Variants in YWHAE observed in about 807,000 individuals in gnomAD.
YWHAE encodes the protein tyrosine 3-monooxygenase/tryptophan 5-monooxygenase activation protein epsilon.
A neutral mutation model predicts 30.1 loss-of-function variants in YWHAE; 4 were observed. The ratio of observed to expected loss-of-function variants is 0.13; its 90% CI spans 0.07 to 0.30. The LOEUF (loss-of-function observed/expected upper bound fraction) is 0.30, where lower values mean the gene tolerates loss of function less well. YWHAE is among the 10% of genes least tolerant of loss of function. The pLI is 1.00. For missense variants in YWHAE, 121 were observed against 315.9 expected, an observed-to-expected ratio of 0.38 and a Z score of 4.68; for synonymous variants, 118 against 111.8, an observed-to-expected ratio of 1.06 and a Z score of -0.35.
At chr17:1,374,999 A>G (rs1041779351) in intron 1 of YWHAE, among the ~76,000 whole-genome samples, 2 of 152,136 alleles carry the variant, frequency 1.3e-5, no homozygotes, top group Non-Finnish European at 2.9e-5. Context: ...ACAGCGCACT[A>G]TGTAGCCTTA....
chr17:1,365,109 C>G (rs1380667118), intron 1 of YWHAE, 51 bp from the exon 2 acceptor site: 1 of 1,559,472 alleles, frequency 6.4e-7, no homozygotes, highest in African/African-American at 1.4e-5. Context: ...GTTTTCTTAA[C>G]ATATTCCTTT....
intron 1 of YWHAE, among the ~76,000 whole-genome samples, chr17:1,381,733 T>C (rs933397494): frequency 6.6e-6 from 1 of 151,502 alleles, no homozygotes; most frequent in African/African-American, 2.4e-5. Flanking sequence ...CTAGGAGACA[T>C]GGCGAAACCC....
At chr17:1,370,304 T>C (rs1297497366) in intron 1 of YWHAE, among the ~76,000 whole-genome samples, 2 of 151,386 alleles carry the variant, frequency 1.3e-5, no homozygotes, top group East Asian at 3.9e-4. Flanking sequence ...TTTTTTTGTG[T>C]GTATTTTTAG....
chr17:1,366,143 A>C (rs2072938114), intron 1 of YWHAE, among the ~76,000 whole-genome samples: 1 of 151,680 alleles, frequency 6.6e-6, no homozygotes, highest in Non-Finnish European at 1.5e-5. Context: ...TTGAACCCAG[A>C]AGGTGGAGAT....
At chr17:1,398,191 G>A (rs928499442) in intron 1 of YWHAE, among the ~76,000 whole-genome samples, 1 of 152,122 alleles carries the variant, frequency 6.6e-6, no homozygotes, top group Non-Finnish European at 1.5e-5. Context: ...TTCCTCCCAA[G>A]AACACTAACA....
intron 1 of YWHAE, among the ~76,000 whole-genome samples, chr17:1,366,319 C>G (rs1261387673): frequency 1.3e-5 from 2 of 152,126 alleles, no homozygotes; most frequent in African/African-American, 4.8e-5. Context: ...GTGGGCAGAT[C>G]ATTTGAGGTC....
At chr17:1,389,360 G>A (rs1488732842) in intron 1 of YWHAE, among the ~76,000 whole-genome samples, 1 of 151,948 alleles carries the variant, frequency 6.6e-6, no homozygotes, top group Non-Finnish European at 1.5e-5. Flanking sequence ...ACTAACCCAG[G>A]GATTAAGTAG....
Position 1,390,324 on chromosome 17 carries a change from C to A in YWHAE, c.64+9723G>T, listed in dbSNP as rs572828092. Among the ~76,000 whole-genome samples, 21 of 152,292 alleles carry A rather than the reference C, an allele frequency of 1.4e-4. No individual in the cohort carries two copies. In the South Asian group the frequency reaches 3.9e-3, roughly 29 times the overall value. The stretch of plus-strand genomic sequence containing the variant: ...CCTTTACTTTGGATATGCAAATTTA[C>A]AGATGTAAGATTAAGGATTTTGAGA... On this transcript the variant is annotated intron_variant, in intron 1 of 5. Transcript: ENST00000264335.
chr17:1,370,839 T>G (rs2073030836), intron 1 of YWHAE, among the ~76,000 whole-genome samples: 2 of 150,912 alleles, frequency 1.3e-5, no homozygotes, highest in South Asian at 2.1e-4. Flanking sequence ...CTACTAAAAG[T>G]GCAAAAAAAA....
At position 1,346,758 on chromosome 17, in the gene YWHAE, G is replaced by C. The variant is rs150954905; in HGVS notation, c.716-1259C>G. On this transcript the variant is annotated intron_variant, in intron 5 of 5. Transcript: ENST00000264335. ...TCCCAGCACTTTGGGAAGCAAAGGC[G>C]GGCGGATCACGAGGTCAGAAGATCA... Among the ~76,000 whole-genome samples, 480 of 151,212 alleles carry C rather than the reference G, an allele frequency of 3.2e-3. 1 individual carries two copies. The highest frequency in any genetic ancestry group is 0.011 in the African/African-American group (451 of 41,204).
chr17:1,367,030 T>C (rs530234115), intron 1 of YWHAE, among the ~76,000 whole-genome samples: 5 of 152,062 alleles, frequency 3.3e-5, no homozygotes, highest in Admixed American at 1.3e-4. Context: ...CAAAAATTAA[T>C]CCTTTCGGGA....
At chr17:1,383,616 G>A (rs931372889) in intron 1 of YWHAE, among the ~76,000 whole-genome samples, 4 of 151,512 alleles carry the variant, frequency 2.6e-5, no homozygotes, top group African/African-American at 9.7e-5. Context: ...TTGAACTCCT[G>A]ACCTCAGGTG....
intron 1 of YWHAE, among the ~76,000 whole-genome samples, chr17:1,394,605 CA>C (rs1214178892): frequency 1.3e-5 from 2 of 151,140 alleles, no homozygotes; most frequent in African/African-American, 2.4e-5. Flanking sequence ...GACCCTGTTT[CA>C]AAAAAAAATT....
chr17:1,349,995 C>T (rs974472669), intron 5 of YWHAE, among the ~76,000 whole-genome samples: 33 of 151,344 alleles, frequency 2.2e-4, no homozygotes, highest in African/African-American at 7.8e-4. Flanking sequence ...TCTTGTTGCC[C>T]AGGCTGGAGT....
At chr17:1,357,895 C>G (rs974061576) in intron 4 of YWHAE, among the ~76,000 whole-genome samples, 2 of 150,740 alleles carry the variant, frequency 1.3e-5, no homozygotes, top group Admixed American at 6.6e-5. Flanking sequence ...CCACTGCACT[C>G]CAGCCTGGGA....
chr17:1,394,436 C>CAAAAAAAAA (rs544115909), intron 1 of YWHAE, among the ~76,000 whole-genome samples: 40 of 58,538 alleles, frequency 6.8e-4, no homozygotes, highest in African/African-American at 2.6e-3. Flanking sequence ...CTCAAATCCA[C>CAAAAAAAAA]AAAAAAAAAA....
intron 4 of YWHAE, among the ~76,000 whole-genome samples, chr17:1,355,863 A>G (rs1162109444): frequency 6.6e-6 from 1 of 151,994 alleles, no homozygotes; most frequent in Non-Finnish European, 1.5e-5. Flanking sequence ...CCATGGCAAA[A>G]CCTATTAAAA....
At position 1,387,965 on chromosome 17, in the gene YWHAE, G is replaced by A. The variant is rs1032666878; in HGVS notation, c.64+12082C>T. Among the ~76,000 whole-genome samples the A allele has an allele frequency of 5.5e-5, 7 of 126,578 alleles. No individual in the cohort carries two copies. In the East Asian group the frequency reaches 6.7e-4, roughly 12 times the overall value. 83.0% of individuals were successfully genotyped at this position (126,578 alleles called of 152,430 possible). A position where few individuals can be genotyped will look rare whatever the true frequency, so the allele number is the denominator to read the frequency against. On this transcript the variant is annotated intron_variant, in intron 1 of 5. Coordinates refer to ENST00000264335, the MANE Select transcript of YWHAE (RefSeq NM_006761.5). ...TTTTTTGACGGAGTCTCACTCTGTCGTTCAGGCTGGAGCCCAGGGGCACTA... is the reference window on the plus strand; with the variant it reads ...TTTTTTGACGGAGTCTCACTCTGTCATTCAGGCTGGAGCCCAGGGGCACTA...
intron 3 of YWHAE, 59 bp downstream of exon 3, chr17:1,361,843 T>C: frequency 1.7e-6 from 2 of 1,149,386 alleles, no homozygotes; most frequent in Non-Finnish European, 2.5e-6. Context: ...AGAACAAAGT[T>C]ATGGTTCTAA....
Sources: gnomAD v4.1 joint callset for allele counts (sites outside exome capture counted in the v4.1 genomes callset) on GRCh38, gnomAD v4.1.1 for gene constraint, MANE v1.5 for transcripts, NCBI Gene and HGNC (gene_info 2026-07-23, HGNC 2026-07-21) for gene names.